ANKRD52: variants seen among roughly 807,000 people sequenced by gnomAD.
ANKRD52 encodes serine/threonine-protein phosphatase 6 regulatory ankyrin repeat subunit C.
A neutral mutation model predicts 116.0 loss-of-function variants in ANKRD52; 7 were observed. That is an observed-to-expected ratio of 0.06 (90% CI 0.03 to 0.11). The LOEUF (loss-of-function observed/expected upper bound fraction) is 0.11. Ranked by LOEUF, ANKRD52 falls within the 10% of genes least tolerant of loss-of-function variation. The pLI, the probability that ANKRD52 is intolerant of heterozygous loss-of-function variation, is 1.00. For missense variants in ANKRD52, 839 were observed against 1,408.6 expected (o/e 0.60, Z 6.47); for synonymous variants, 528 against 578.1 (o/e 0.91, Z 1.24).
In ANKRD52 at chr12:56,254,583, C is replaced by T; in HGVS notation, c.688G>A (p.Ala230Thr). Residue 230 changes from alanine (A) to threonine (T), a missense_variant, in exon 7 of 28, where the codon GCG becomes ACG. Around this residue, in one of 2 missense-constraint regions of ANKRD52, gnomAD observed 287 missense variants for 598.1 expected, o/e 0.48. Coordinates refer to ENST00000267116, the MANE Select transcript of ANKRD52 (RefSeq NM_173595.4). The surrounding 1 kb of genome is among the most constrained non-coding windows in gnomAD (Gnocchi z 4.6). Reference protein sequence around the residue: ...EVVKYLLRMGAEIDEPNAFGN... With the variant: ...EVVKYLLRMGTEIDEPNAFGN... ...CCAGAGCTCAAAGCCCTGACCTCCG[C>T]TCCCATCCGAAGCAGGTACTTCACC... The T allele has an allele frequency of 6.2e-7, 1 of 1,613,820 alleles. No individual in the cohort carries two copies. The highest frequency in any genetic ancestry group is 1.7e-4 in the Middle Eastern group (1 of 6,056).
In ANKRD52 at chr12:56,255,829, G is replaced by A. The variant is rs757754278; in HGVS notation, c.417C>T (p.Ser139=). 18 of 1,581,986 alleles carry A rather than the reference G, an allele frequency of 1.1e-5. No homozygotes were observed. In the South Asian group the frequency reaches 1.3e-4, roughly 11 times the overall value. Residue 139 remains serine (S), a synonymous_variant, in exon 5 of 28, where the codon AGC becomes AGT. Coordinates refer to ENST00000267116, the MANE Select transcript of ANKRD52 (RefSeq NM_173595.4). This position sits in a 1 kb window ranked among gnomAD's most constrained non-coding sequence, Gnocchi z 4.3. ...LLSSLNVADR[S]GRSALHHAVH... is the part of the protein sequence containing the mutation. The stretch of plus-strand genomic sequence containing the variant: ...CTGCATGGTGCAGAGCACTGCGCCC[G>A]CTCCTGTCAGCCACGTTGAGGCTGC...
In ANKRD52 at chr12:56,243,616, G is replaced by A; in HGVS notation, c.2980+169C>T. Among the ~76,000 whole-genome samples, 1 of 152,172 alleles carries A rather than the reference G, an allele frequency of 6.6e-6. No individual in the cohort carries two copies. The highest frequency in any genetic ancestry group is 6.5e-5 in the Admixed American group (1 of 15,286). The stretch of plus-strand genomic sequence containing the variant: ...AAAGCCTAGGGTGTGGAGTCCTCCT[G>A]ACCCTGCAGGCTCCCCTCTGAGACT... On this transcript the variant is annotated intron_variant, in intron 27 of 27. Transcript: ENST00000267116. The surrounding 1 kb of genome is among the most constrained non-coding windows in gnomAD (Gnocchi z 4.6).
At position 56,254,336 on chromosome 12, in the gene ANKRD52, C is replaced by T; in HGVS notation, c.694-57G>A. 1.3e-6 allele frequency: 2 copies of T among 1,556,108 alleles called. No individual in the cohort carries two copies. Among genetic ancestry groups the T allele is most frequent in the Non-Finnish European group, 8.8e-7 (1 of 1,136,644 alleles). ...TCAGTTTAAACAAAGTAGAAGCCAG[C>T]ACATGTAGCCTCCAGATCCCAGAAA... is the stretch of plus-strand genomic sequence containing the variant. On this transcript the variant is annotated intron_variant, in intron 7 of 27. Coordinates refer to ENST00000267116, the MANE Select transcript of ANKRD52 (RefSeq NM_173595.4). This position sits in a 1 kb window ranked among gnomAD's most constrained non-coding sequence, Gnocchi z 4.6.
At position 56,242,992 on chromosome 12, in the gene ANKRD52, G is replaced by T. The variant is rs1299874621; in HGVS notation, c.*150C>A. 1.7e-6 allele frequency: 2 copies of T among 1,150,132 alleles called. No homozygotes were observed. Among genetic ancestry groups the T allele is most frequent in the Non-Finnish European group, 2.4e-6 (2 of 841,294 alleles). 71.2% of individuals were successfully genotyped at this position (1,150,132 alleles called of 1,614,324 possible). On this transcript the variant is annotated 3_prime_UTR_variant, in exon 28 of 28. Transcript: ENST00000267116. This position sits in a 1 kb window ranked among gnomAD's most constrained non-coding sequence, Gnocchi z 4.3. ...TGCCAGGCCAAGATGGTGTGGCAAA[G>T]GGGTGAGCAGCTGCTCCCCAGGGCT...
Position 56,255,321 on chromosome 12 carries a change from G to T in ANKRD52, c.463-369C>A, listed in dbSNP as rs563553223. On this transcript the variant is annotated intron_variant, in intron 5 of 27. Coordinates refer to ENST00000267116, the MANE Select transcript of ANKRD52 (RefSeq NM_173595.4). The surrounding 1 kb of genome is among the most constrained non-coding windows in gnomAD (Gnocchi z 4.3). ...TTCTCCTGCCTCAGTCTCCCGAGTA[G>T]CTGGGACTACAGGCGGCCGCCACCA... Among the ~76,000 whole-genome samples, 2 of 152,020 alleles carry T rather than the reference G, an allele frequency of 1.3e-5. No individual in the cohort carries two copies. The highest frequency in any genetic ancestry group is 1.3e-4 in the Admixed American group (2 of 15,248).
intron 4 of ANKRD52, among the ~76,000 whole-genome samples, 153 bp downstream of exon 4, chr12:56,256,862 C>T (rs1871978057): frequency 1.3e-5 from 2 of 152,140 alleles, no homozygotes; most frequent in Admixed American, 6.5e-5. Flanking sequence ...CTGGCCAGTT[C>T]TAGGGGTAGG....
chr12:56,245,332 A>G (rs1284821621), intron 21 of ANKRD52, 45 bp downstream of exon 21: 1 of 1,600,330 alleles, frequency 6.2e-7, no homozygotes. Context: ...CTCTACACAC[A>G]CTCCAACACA....
chr12:56,244,400 C>T lies in ANKRD52; in HGVS notation c.2758G>A (p.Val920Met), dbSNP rs1405582170. ...GCCGTGTTCTTGTTCTCATCCAACACAGTAAGGTCTGCCTTCCCTCGATAC... is the reference window on the plus strand; with the variant it reads ...GCCGTGTTCTTGTTCTCATCCAACATAGTAAGGTCTGCCTTCCCTCGATAC... ...LLYRGKADLT[V>M]LDENKNTALH... is the part of the protein sequence containing the mutation. Residue 920 changes from valine to methionine, a missense_variant, in exon 25 of 28, where the codon GTG (valine) becomes ATG (methionine). Transcript: ENST00000267116. This position sits in a 1 kb window ranked among gnomAD's most constrained non-coding sequence, Gnocchi z 4.9. 6.2e-7 allele frequency: 1 copy of T among 1,613,896 alleles called. No individual in the cohort carries two copies. Among genetic ancestry groups the T allele is most frequent in the Non-Finnish European group, 8.5e-7 (1 of 1,179,902 alleles).
At position 56,244,434 on chromosome 12, in the gene ANKRD52, T is replaced by A; in HGVS notation, c.2724A>T (p.Glu908Asp). The A allele has an allele frequency of 6.2e-7, 1 of 1,613,932 alleles. No individual in the cohort carries two copies. Among genetic ancestry groups the A allele is most frequent in the Non-Finnish European group, 8.5e-7 (1 of 1,179,880 alleles). ...AAENGQTAAV[E>D]FLLYRGKADL... ...CTGCCTTCCCTCGATACAGCAGAAA[T>A]TCTACGAGAGAAATGTGATAGAGGG... The change falls in exon 25 of 28, where the codon GAA (glutamate) becomes GAT (aspartate). Residue 908 changes from glutamate to aspartate, a missense_variant and splice_region_variant. Transcript: ENST00000267116. The surrounding 1 kb of genome is among the most constrained non-coding windows in gnomAD (Gnocchi z 4.9).
rs1871916749 is a variant in ANKRD52 at position 56,255,666 on chromosome 12, T to C, written c.462+118A>G. ...CATTTAGTGCTTCAGCTTAAGTGTT[T>C]ATATAACCATCCGGGCTGCTTCTCC... On this transcript the variant is annotated intron_variant, in intron 5 of 27. Transcript: ENST00000267116. This position sits in a 1 kb window ranked among gnomAD's most constrained non-coding sequence, Gnocchi z 4.3. The C allele has an allele frequency of 1.1e-6, 1 of 913,510 alleles. No individual in the cohort carries two copies. Among genetic ancestry groups the C allele is most frequent in the African/African-American group, 1.7e-5 (1 of 60,146 alleles). The allele number at this position is 913,510 out of a possible 1,614,324, so 56.6% of individuals were successfully genotyped here.
At position 56,257,311 on chromosome 12, in the gene ANKRD52, G is replaced by A. The variant is rs1340389477; in HGVS notation, c.162C>T (p.Val54=). 2.5e-6 allele frequency: 4 copies of A among 1,597,654 alleles called. No individual in the cohort carries two copies. Among genetic ancestry groups the A allele is most frequent in the Non-Finnish European group, 3.4e-6 (4 of 1,172,152 alleles). Residue 54 remains valine, a synonymous_variant, in exon 3 of 28, where the codon GTC becomes GTT. Transcript: ENST00000267116. ...PLHAAAYVGD[V]PILQLLLMSG... The stretch of plus-strand genomic sequence containing the variant: ...ACATCAGTAGCAACTGGAGGATGGG[G>A]ACATCGCCTACGTAGGCAGCAGCAT...
At chr12:56,251,807 T>C (rs1480844305) in intron 15 of ANKRD52, among the ~76,000 whole-genome samples, 1 of 151,954 alleles carries the variant, frequency 6.6e-6, no homozygotes, top group Non-Finnish European at 1.5e-5. Flanking sequence ...TTGGGTTTTT[T>C]TTTCCCCCTG....
In ANKRD52 at chr12:56,255,324, G is replaced by A. The variant is rs1346150577; in HGVS notation, c.463-372C>T. Among the ~76,000 whole-genome samples, 1 of 151,838 alleles carries A rather than the reference G, an allele frequency of 6.6e-6. No homozygotes were observed. The highest frequency in any genetic ancestry group is 1.5e-5 in the Non-Finnish European group (1 of 68,002). ...TCCTGCCTCAGTCTCCCGAGTAGCT[G>A]GGACTACAGGCGGCCGCCACCACAC... On this transcript the variant is annotated intron_variant, in intron 5 of 27. Coordinates refer to ENST00000267116, the MANE Select transcript of ANKRD52 (RefSeq NM_173595.4). This position sits in a 1 kb window ranked among gnomAD's most constrained non-coding sequence, Gnocchi z 4.3.
At chr12:56,258,176 C>G (rs1221678843) in intron 1 of ANKRD52, 67 bp downstream of exon 1, 37 of 1,567,536 alleles carry the variant, frequency 2.4e-5, no homozygotes, top group Non-Finnish European at 2.9e-5. Flanking sequence ...GCCGCACATC[C>G]CCGGGCTCGC....
In ANKRD52 at chr12:56,253,225, G is replaced by T; in HGVS notation, c.1100+63C>A. ...TGGCAAGCTTATCTGTGCCTCCATG[G>T]TTGATGTGAGCAGTCTGTGCAGATC... is the stretch of plus-strand genomic sequence containing the variant. On this transcript the variant is annotated intron_variant, in intron 10 of 27. Coordinates refer to ENST00000267116, the MANE Select transcript of ANKRD52 (RefSeq NM_173595.4). The surrounding 1 kb of genome is among the most constrained non-coding windows in gnomAD (Gnocchi z 5.5). 6.6e-7 allele frequency: 1 copy of T among 1,524,958 alleles called. No individual in the cohort carries two copies. The highest frequency in any genetic ancestry group is 2.3e-5 in the East Asian group (1 of 44,172). The allele number at this position is 1,524,958 out of a possible 1,614,324, so 94.5% of individuals were successfully genotyped here.
chr12:56,257,196 C>T (rs1214474822), intron 3 of ANKRD52, 87 bp downstream of exon 3: 5 of 1,542,732 alleles, frequency 3.2e-6, no homozygotes, highest in Middle Eastern at 1.7e-4. Context: ...TGGACCAAGC[C>T]GGGGAGAGCA....
At position 56,247,911 on chromosome 12, in the gene ANKRD52, C is replaced by A. The variant is rs995573192; in HGVS notation, c.1978+112G>T. The A allele has an allele frequency of 9.1e-5, 124 of 1,364,142 alleles. No homozygotes were observed. In the African/African-American group the frequency reaches 1.6e-3, roughly 17 times the overall value. 84.5% of individuals were successfully genotyped at this position (1,364,142 alleles called of 1,614,324 possible). On this transcript the variant is annotated intron_variant, in intron 18 of 27. Transcript: ENST00000267116. Reference sequence around the variant, plus strand: ...TCTCTGAGGATAGGAAGCTATGAATCAGGGCTTGAAGTCTCCATTCTCCTC... The same window carrying A: ...TCTCTGAGGATAGGAAGCTATGAATAAGGGCTTGAAGTCTCCATTCTCCTC...
rs763241294 is a variant in ANKRD52, at chr12:56,244,998, AG to A, written c.2493-10del. On this transcript the variant is annotated splice_polypyrimidine_tract_variant and intron_variant, in intron 22 of 27. Transcript: ENST00000267116. The surrounding 1 kb of genome is among the most constrained non-coding windows in gnomAD (Gnocchi z 4.9). ...TGTCTTGGTTATTAATCCTAGAGGA[AG>A]AGGGAGGAGGGGTCATCAGGAAGGA... The A allele has an allele frequency of 5.6e-6, 9 of 1,613,850 alleles. No individual in the cohort carries two copies. In the East Asian group the frequency reaches 1.8e-4, roughly 32 times the overall value.
Position 56,248,923 on chromosome 12 carries a change from C to T in ANKRD52, c.1593-53G>A. 7.3e-7 allele frequency: 1 copy of T among 1,375,844 alleles called. No homozygotes were observed. Among genetic ancestry groups the T allele is most frequent in the Non-Finnish European group, 1.0e-6 (1 of 1,004,896 alleles). 85.2% of individuals were successfully genotyped at this position (1,375,844 alleles called of 1,614,324 possible). ...CAGGGACAGGCCCAGCCCAGGAGGG[C>T]ACAGTTCTGGGAGGGCCAGAGGAGA... is the stretch of plus-strand genomic sequence containing the variant. On this transcript the variant is annotated intron_variant, in intron 15 of 27. Transcript: ENST00000267116. The surrounding 1 kb of genome is among the most constrained non-coding windows in gnomAD (Gnocchi z 5.1).
Sources: gnomAD v4.1 joint callset for allele counts (sites outside exome capture counted in the v4.1 genomes callset) on GRCh38, gnomAD v4.1.1 for gene constraint, gnomAD v4.1.1 regional missense constraint, Gnocchi (gnomAD v3.1) non-coding constraint, MANE v1.5 for transcripts, NCBI Gene and HGNC (gene_info 2026-07-23, HGNC 2026-07-21) for gene names.